Variants in TMIGD2 observed in about 807,000 individuals in gnomAD.
TMIGD2 encodes the protein transmembrane and immunoglobulin domain containing 2.
In TMIGD2, 18 loss-of-function variants were observed where a neutral mutation model predicts 22.6. The ratio of observed to expected loss-of-function variants is 0.80; its 90% CI spans 0.55 to 1.18. The LOEUF is 1.18. Among genes scored for constraint, TMIGD2 ranks in the 50% most tolerant of loss-of-function variants. TMIGD2 has a pLI of 0.00. For synonymous variants in TMIGD2, 184 were observed against 154.1 expected, an observed-to-expected ratio of 1.19 and a Z score of -1.44; for missense variants, 361 against 378.2, an observed-to-expected ratio of 0.95 and a Z score of 0.38.
chr19:4,292,341 C>T (rs910984821), exon 5 of TMIGD2: 10 of 460,892 alleles, frequency 2.2e-5, no homozygotes, highest in Non-Finnish European at 3.9e-5. Context: ...TCCCAATCCT[C>T]CTGCTTTTTG....
chr19:4,292,680 G>C, exon 5 of TMIGD2: 2 of 1,604,390 alleles, frequency 1.2e-6, no homozygotes, highest in Middle Eastern at 1.7e-4. Flanking sequence ...TGACCATAGA[G>C]ACGGGGTGGC....
chr19:4,292,814 C>G lies in TMIGD2; in HGVS notation c.634G>C (p.Glu212Gln), dbSNP rs1416149353. ...CTCTGGCCCCTCTGGTCCTTCCCCT[C>G]TCCAGAGCAGTCCTCACTCTTCTTT... The change falls in exon 5 of 5, where the codon GAG becomes CAG. Residue 212 changes from glutamate (E) to glutamine (Q), a missense_variant. Transcript: ENST00000301272. 1.9e-6 allele frequency: 3 copies of G among 1,613,742 alleles called. No homozygotes were observed. The South Asian group carries it at 3.3e-5, about 18-fold the overall frequency.
At chr19:4,294,409 T>G (rs1971429748) in intron 4 of TMIGD2, among the ~76,000 whole-genome samples, 170 bp downstream of exon 4, 1 of 152,130 alleles carries the variant, frequency 6.6e-6, no homozygotes, top group Non-Finnish European at 1.5e-5. Flanking sequence ...GGCTAGGGGC[T>G]TTGTCTCTAT....
chr19:4,292,823 A>C (rs758317620), exon 5 of TMIGD2: 1 of 1,613,808 alleles, frequency 6.2e-7, no homozygotes, highest in Admixed American at 1.7e-5. Context: ...TCTCCAGAGC[A>C]GTCCTCACTC....
At chr19:4,293,783 A>T (rs903515731) in intron 4 of TMIGD2, among the ~76,000 whole-genome samples, 39 of 150,912 alleles carry the variant, frequency 2.6e-4, no homozygotes, top group African/African-American at 9.3e-4. Flanking sequence ...TGTTGTTGAG[A>T]TGGAGTCTGG....
At chr19:4,297,852 G>C in intron 2 of TMIGD2, 134 bp downstream of exon 2, 1 of 1,208,418 alleles carries the variant, frequency 8.3e-7, no homozygotes, top group Non-Finnish European at 1.1e-6. Flanking sequence ...GCAAGACTCT[G>C]TCTCTTAAAA....
chr19:4,300,517 A>G (rs1209010798), intron 1 of TMIGD2, among the ~76,000 whole-genome samples: 1 of 152,190 alleles, frequency 6.6e-6, no homozygotes, highest in Non-Finnish European at 1.5e-5. Flanking sequence ...AGATCGCGCC[A>G]CTGCACTCCA....
In TMIGD2 at chr19:4,298,231, C is replaced by T. The variant is rs142057203; in HGVS notation, c.161G>A (p.Arg54Gln). 7.3e-5 allele frequency: 117 copies of T among 1,613,050 alleles called. 1 individual carries two copies. In the African/African-American group the frequency reaches 9.1e-4, roughly 12 times the overall value. ...ATCCTTTGTCCACTTAACACGGAGCCGTTCCCAGGCTGTGGCCTGGTCCAC... is the reference window on the plus strand; with the variant it reads ...ATCCTTTGTCCACTTAACACGGAGCTGTTCCCAGGCTGTGGCCTGGTCCAC... The change falls in exon 2 of 5, where the codon CGG (arginine) becomes CAG (glutamine). Residue 54 changes from arginine (R) to glutamine (Q), a missense_variant. Transcript: ENST00000301272.
At chr19:4,296,132 T>C (rs764879632) in intron 2 of TMIGD2, among the ~76,000 whole-genome samples, 2 of 152,200 alleles carry the variant, frequency 1.3e-5, no homozygotes, top group Non-Finnish European at 2.9e-5. Flanking sequence ...TTGGCCAAGC[T>C]GGTCTCGACC....
exon 1 of TMIGD2, chr19:4,302,373 C>T (rs1323674070): frequency 2.5e-6 from 4 of 1,570,170 alleles, no homozygotes; most frequent in Non-Finnish European, 2.6e-6. Context: ...AGCACCATGC[C>T]CGGGGACCCC....
At chr19:4,293,017 G>A (rs1971404275) in intron 4 of TMIGD2, 132 bp from the exon 5 acceptor site, 19 of 1,358,354 alleles carry the variant, frequency 1.4e-5, no homozygotes, top group Non-Finnish European at 1.9e-5. Flanking sequence ...AGGCTGGAGT[G>A]CAGTGGCGCA....
chr19:4,299,327 T>C (rs541055919), intron 1 of TMIGD2, among the ~76,000 whole-genome samples: 1 of 151,958 alleles, frequency 6.6e-6, no homozygotes, highest in South Asian at 2.1e-4. Context: ...TTTGGTTTTG[T>C]AGAGATTGGG....
At chr19:4,298,613 C>T (rs555390686) in intron 1 of TMIGD2, among the ~76,000 whole-genome samples, 188 of 151,828 alleles carry the variant, frequency 1.2e-3, no homozygotes, top group South Asian at 6.2e-3. Context: ...TGGCGTGCAC[C>T]GTGGGCCCAG....
intron 4 of TMIGD2, 131 bp from the exon 5 acceptor site, chr19:4,293,016 T>G (rs1599520450): frequency 1.5e-6 from 2 of 1,368,736 alleles, no homozygotes; most frequent in Admixed American, 2.3e-5. Context: ...CAGGCTGGAG[T>G]GCAGTGGCGC....
At chr19:4,298,011 G>A (rs1250178308) in exon 2 of TMIGD2, 1 of 1,606,550 alleles carries the variant, frequency 6.2e-7, no homozygotes, top group Non-Finnish European at 8.5e-7. Context: ...GCCTTGTTAT[G>A]TTGCCCTCAG....
intron 1 of TMIGD2, among the ~76,000 whole-genome samples, chr19:4,300,528 G>A (rs898958730): frequency 4.6e-5 from 7 of 152,196 alleles, no homozygotes; most frequent in Admixed American, 3.3e-4. Context: ...CTGCACTCCA[G>A]CCTGGCGACA....
chr19:4,301,486 G>A (rs557136404), intron 1 of TMIGD2, among the ~76,000 whole-genome samples: 4 of 152,318 alleles, frequency 2.6e-5, no homozygotes, highest in South Asian at 2.1e-4. Context: ...GGCCGAGATG[G>A]CGAAACCCCG....
At position 4,300,708 on chromosome 19, in the gene TMIGD2, G is replaced by A. The variant is rs533769255; in HGVS notation, c.46+1632C>T. ...AACCAGTGTGAGAAGGAAGGTATTGGGGGGTAAGAGCATTCCAGGCAGTGC... is the reference window on the plus strand; with the variant it reads ...AACCAGTGTGAGAAGGAAGGTATTGAGGGGTAAGAGCATTCCAGGCAGTGC... On this transcript the variant is annotated intron_variant, in intron 1 of 4. Coordinates refer to ENST00000301272, the Ensembl canonical transcript of TMIGD2. Among the ~76,000 whole-genome samples the A allele has an allele frequency of 6.8e-4, 104 of 152,332 alleles. 1 individual carries two copies. The South Asian group carries it at 0.013, about 19-fold the overall frequency.
At chr19:4,298,252 T>C (rs754202346) in exon 2 of TMIGD2, 1 of 1,612,618 alleles carries the variant, frequency 6.2e-7, no homozygotes, top group Non-Finnish European at 8.5e-7. Context: ...TGTGGCCTGG[T>C]CCACCTGGCA....
Sources: allele counts gnomAD v4.1 joint callset (sites outside exome capture counted in the v4.1 genomes callset), GRCh38; gene constraint gnomAD v4.1.1; transcripts MANE v1.5; gene names NCBI Gene and HGNC (gene_info 2026-07-23, HGNC 2026-07-21).